The following KLF8 variants were observed in gnomAD, a reference collection of about 807,000 sequenced individuals.
KLF8 encodes KLF transcription factor 8.
In KLF8, 10 loss-of-function variants were observed where a neutral mutation model predicts 18.2. That is an observed-to-expected ratio of 0.55 (90% CI 0.34 to 0.93). The LOEUF is 0.93. Among genes scored for constraint, KLF8 ranks in the 40% least tolerant of loss-of-function variants. KLF8 has a pLI of 0.02. For synonymous variants in KLF8, 109 were observed against 97.3 expected (o/e 1.12, Z -0.71); for missense variants, 264 against 277.9 (o/e 0.95, Z 0.36).
chrX:56,013,574 C>T, the KLF8 span, among the ~76,000 whole-genome samples: 1 of 111,355 alleles, frequency 9.0e-6, no homozygotes, highest in Admixed American at 9.5e-5. Flanking sequence ...TTCCATAATC[C>T]CCATGTGTCT....
the KLF8 span, among the ~76,000 whole-genome samples, chrX:56,173,242 T>C: frequency 6.2e-5 from 7 of 112,127 alleles, no homozygotes; most frequent in South Asian, 3.7e-4. Context: ...GGTCTAACAT[T>C]TAAGTCTTTA....
the KLF8 span, among the ~76,000 whole-genome samples, chrX:56,073,559 G>A: frequency 9.0e-6 from 1 of 110,614 alleles, no homozygotes; most frequent in African/African-American, 3.3e-5. Context: ...CCCTTTTGAG[G>A]TACTACTATA....
the KLF8 span, among the ~76,000 whole-genome samples, chrX:55,952,532 C>A: frequency 8.9e-6 from 1 of 112,266 alleles, no homozygotes; most frequent in Admixed American, 9.5e-5. Context: ...TCACTTCCAC[C>A]TCTCTGTTGT....
chrX:56,103,464 T>C, the KLF8 span, among the ~76,000 whole-genome samples: 1 of 111,594 alleles, frequency 9.0e-6, no homozygotes, highest in Non-Finnish European at 1.9e-5. Context: ...TTTTATTCTC[T>C]TTGAAGCAAT....
At chrX:56,114,269 C>G in the KLF8 span, among the ~76,000 whole-genome samples, 2 of 112,216 alleles carry the variant, frequency 1.8e-5, no homozygotes, top group African/African-American at 3.2e-5. Flanking sequence ...CCCTTCCCCC[C>G]AGGAAGTCGG....
chrX:55,946,952 A>G, the KLF8 span, among the ~76,000 whole-genome samples: 12 of 111,908 alleles, frequency 1.1e-4, no homozygotes, highest in Middle Eastern at 4.6e-3. Flanking sequence ...ATCTCACACC[A>G]GTTAGAATGG....
the KLF8 span, among the ~76,000 whole-genome samples, chrX:56,006,518 T>A: frequency 8.9e-6 from 1 of 112,458 alleles, no homozygotes; most frequent in Admixed American, 9.4e-5. Context: ...ATGTACTTCC[T>A]GGCTGCATCT....
the KLF8 span, among the ~76,000 whole-genome samples, chrX:56,038,549 A>G: frequency 2.7e-5 from 3 of 111,979 alleles, no homozygotes; most frequent in Non-Finnish European, 5.6e-5. Context: ...ACATGATCTC[A>G]TTACCTTTTA....
the KLF8 span, among the ~76,000 whole-genome samples, chrX:56,028,105 G>C: frequency 8.9e-6 from 1 of 112,135 alleles, no homozygotes; most frequent in Non-Finnish European, 1.9e-5. Context: ...CCCACAGTTT[G>C]AGTTAAAACT....
chrX:56,179,444 C>A, the KLF8 span, among the ~76,000 whole-genome samples: 5 of 112,174 alleles, frequency 4.5e-5, no homozygotes, highest in Admixed American at 4.7e-4. Context: ...CAAACAGGGA[C>A]AATTTGAATT....
At chrX:56,059,869 A>T in the KLF8 span, among the ~76,000 whole-genome samples, 2 of 111,525 alleles carry the variant, frequency 1.8e-5, no homozygotes, top group African/African-American at 6.5e-5. Context: ...ATTTAAAGTA[A>T]TTTTTTCTAA....
At chrX:56,180,022 G>A in the KLF8 span, among the ~76,000 whole-genome samples, 330 of 111,377 alleles carry the variant, frequency 3.0e-3, no homozygotes, top group African/African-American at 0.01. Flanking sequence ...AGTTAGGGAG[G>A]ATTCCCTCTT....
At chrX:56,201,762 A>G in the KLF8 span, among the ~76,000 whole-genome samples, 5 of 111,518 alleles carry the variant, frequency 4.5e-5, no homozygotes, top group Non-Finnish European at 9.4e-5. Context: ...CATGTCAATC[A>G]TACCTCAATA....
chrX:56,118,957 A>G, the KLF8 span, among the ~76,000 whole-genome samples: 2 of 111,861 alleles, frequency 1.8e-5, no homozygotes, highest in Admixed American at 1.9e-4. Context: ...GGCAGGATGT[A>G]GGAAGTCTCA....
chrX:56,265,914 T>C (rs1168629511), intron 3 of KLF8, 170 bp downstream of exon 3: 2 of 1,045,653 alleles, frequency 1.9e-6, no homozygotes, highest in Non-Finnish European at 2.5e-6. Flanking sequence ...GAATGTACAA[T>C]GAGTCTTGAT....
At chrX:55,947,027 A>C in the KLF8 span, among the ~76,000 whole-genome samples, 1 of 111,766 alleles carries the variant, frequency 8.9e-6, no homozygotes, top group East Asian at 2.8e-4. Context: ...GAAGACTTTT[A>C]CACTGTTGGT....
At chrX:56,079,244 A>G in the KLF8 span, among the ~76,000 whole-genome samples, 2 of 110,737 alleles carry the variant, frequency 1.8e-5, no homozygotes, top group Non-Finnish European at 3.8e-5. Context: ...TAGGGTGTCA[A>G]TTTTGGATCT....
intron 1 of KLF8, among the ~76,000 whole-genome samples, chrX:56,238,980 T>G (rs748572067): frequency 9.0e-6 from 1 of 111,357 alleles, no homozygotes; most frequent in East Asian, 2.8e-4. Context: ...AGTTTACTTT[T>G]CCTCTCGTCT....
intron 5 of KLF8, among the ~76,000 whole-genome samples, chrX:56,281,879 A>G (rs2067206795): frequency 8.9e-6 from 1 of 112,721 alleles, no homozygotes; most frequent in Non-Finnish European, 1.9e-5. Context: ...TGATAATACA[A>G]GGGTAAATGC....
Sources: gnomAD v4.1 joint callset for allele counts (sites outside exome capture counted in the v4.1 genomes callset) on GRCh38, gnomAD v4.1.1 for gene constraint, MANE v1.5 for transcripts, NCBI Gene and HGNC (gene_info 2026-07-23, HGNC 2026-07-21) for gene names.